The following IL1RAPL2 variants were observed in gnomAD, a reference collection of about 807,000 sequenced individuals.
IL1RAPL2 encodes the protein X-linked interleukin-1 receptor accessory protein-like 2.
Under a neutral mutation model 44.1 loss-of-function variants are expected in IL1RAPL2, and 3 were observed. The ratio of observed to expected loss-of-function variants is 0.07; its 90% confidence interval spans 0.03 to 0.18. IL1RAPL2 has a LOEUF of 0.18. IL1RAPL2 is among the 10% of genes least tolerant of loss of function. IL1RAPL2 has a pLI of 1.00. For missense variants in IL1RAPL2, 391 were observed against 496.4 expected (o/e 0.79, Z 2.02); for synonymous variants, 181 against 178.8 (o/e 1.01, Z -0.10).
rs369706072 is a variant in IL1RAPL2 at position 105,745,653 on chromosome X, C to T, written c.1049-3307C>T. ...GAAAGTTCTACCCTCATGATCTAAT[C>T]ACCTCTCACATGCTTCCCTCGTTTT... On this transcript the variant is annotated intron_variant, in intron 8 of 10. Transcript: ENST00000372582. Among the ~76,000 whole-genome samples, 21 of 111,361 alleles carry T rather than the reference C, an allele frequency of 1.9e-4. No individual in the cohort carries two copies. In the East Asian group the frequency reaches 6.0e-3, roughly 32 times the overall value.
At chrX:104,670,862 T>G (rs181592879) in intron 2 of IL1RAPL2, among the ~76,000 whole-genome samples, 64 of 111,772 alleles carry the variant, frequency 5.7e-4, no homozygotes, top group African/African-American at 1.9e-3. Context: ...TGCTTGTTTT[T>G]AGTTATAGAT....
At chrX:104,699,558 C>T (rs1043464102) in intron 2 of IL1RAPL2, among the ~76,000 whole-genome samples, 2 of 111,932 alleles carry the variant, frequency 1.8e-5, no homozygotes, top group Non-Finnish European at 3.8e-5. Context: ...GCCCGCCACT[C>T]ACCTCCTACT....
At chrX:105,561,635 A>G (rs2036938210) in intron 6 of IL1RAPL2, among the ~76,000 whole-genome samples, 1 of 111,861 alleles carries the variant, frequency 8.9e-6, no homozygotes, top group Non-Finnish European at 1.9e-5. Context: ...ATGCATATAA[A>G]GCATATATGA....
chrX:105,227,903 A>AG (rs1436697193), intron 3 of IL1RAPL2, among the ~76,000 whole-genome samples: 1 of 112,165 alleles, frequency 8.9e-6, no homozygotes, highest in African/African-American at 3.2e-5. Flanking sequence ...TTAAATGTAC[A>AG]GTTCAGCTGT....
At chrX:105,337,707 T>C (rs1162581931) in intron 5 of IL1RAPL2, among the ~76,000 whole-genome samples, 1 of 111,535 alleles carries the variant, frequency 9.0e-6, no homozygotes, top group Non-Finnish European at 1.9e-5. Flanking sequence ...CTGGCTAACA[T>C]GGTGAAACCC....
At chrX:105,226,182 C>G (rs1179887537) in intron 3 of IL1RAPL2, among the ~76,000 whole-genome samples, 2 of 110,266 alleles carry the variant, frequency 1.8e-5, no homozygotes, top group Non-Finnish European at 3.8e-5. Context: ...ACCTGATCCT[C>G]TTTGTATTAT....
At chrX:105,367,211 A>G (rs180938880) in intron 5 of IL1RAPL2, among the ~76,000 whole-genome samples, 14 of 111,311 alleles carry the variant, frequency 1.3e-4, no homozygotes, top group African/African-American at 4.2e-4. Flanking sequence ...TTGAGTCTAT[A>G]TGTGTCTTTA....
In IL1RAPL2 at chrX:105,169,492, C is replaced by CTTTTTTTTTTTTTTTT; in HGVS notation, c.83-25968_83-25953dup. 1.4e-3 allele frequency among the ~76,000 whole-genome samples: 57 copies of CTTTTTTTTTTTTTTTT among 41,561 alleles called. 18 individuals are homozygous for CTTTTTTTTTTTTTTTT. Among genetic ancestry groups the CTTTTTTTTTTTTTTTT allele is most frequent in the African/African-American group, 7.3e-3 (53 of 7,272 alleles). The allele number at this position is 41,561 out of a possible 115,157, so 36.1% of individuals were successfully genotyped here. On this transcript the variant is annotated intron_variant, in intron 2 of 10. Coordinates refer to ENST00000372582, the MANE Select transcript of IL1RAPL2 (RefSeq NM_017416.2). Reference sequence around the variant, plus strand: ...TGAGAAACTTTCAGTTTCTTTCTTTCTTTTTTTTTTTTTTTTTTTTTTTTT... The same window carrying CTTTTTTTTTTTTTTTT: ...TGAGAAACTTTCAGTTTCTTTCTTTCTTTTTTTTTTTTTTTTTTTTTTTTTTTTTTTTTTTTTTTTT...
At chrX:105,472,896 T>G in intron 5 of IL1RAPL2, among the ~76,000 whole-genome samples, 1 of 112,030 alleles carries the variant, frequency 8.9e-6, no homozygotes. Flanking sequence ...TATTACATAT[T>G]CATCCTTGAA....
intron 5 of IL1RAPL2, among the ~76,000 whole-genome samples, chrX:105,388,084 G>T (rs1413531775): frequency 2.2e-5 from 2 of 91,096 alleles, no homozygotes; most frequent in Non-Finnish European, 4.1e-5. Context: ...GAAGGCAGAG[G>T]TTGCAGTGAG....
chrX:104,709,607 T>A (rs1369859758), intron 2 of IL1RAPL2, among the ~76,000 whole-genome samples: 4 of 111,205 alleles, frequency 3.6e-5, no homozygotes, highest in Admixed American at 2.9e-4. Flanking sequence ...ATGACTCTTC[T>A]CTTTTTGGCA....
At chrX:105,655,641 A>G (rs891983822) in intron 6 of IL1RAPL2, among the ~76,000 whole-genome samples, 58 of 112,541 alleles carry the variant, frequency 5.2e-4, no homozygotes, top group African/African-American at 1.8e-3. Context: ...TTGAAAAAGC[A>G]TGAATCAGAC....
intron 5 of IL1RAPL2, among the ~76,000 whole-genome samples, chrX:105,468,534 C>T (rs1346169914): frequency 8.9e-6 from 1 of 111,863 alleles, no homozygotes; most frequent in Non-Finnish European, 1.9e-5. Flanking sequence ...ATGTTACTCT[C>T]TTAAATTTCT....
intron 2 of IL1RAPL2, among the ~76,000 whole-genome samples, chrX:105,073,825 T>G: frequency 8.9e-6 from 1 of 112,254 alleles, no homozygotes; most frequent in African/African-American, 3.2e-5. Flanking sequence ...TTTTTTTGGC[T>G]GCATAAATGT....
At chrX:104,691,598 T>C (rs1237013765) in intron 2 of IL1RAPL2, among the ~76,000 whole-genome samples, 2 of 112,111 alleles carry the variant, frequency 1.8e-5, no homozygotes, top group African/African-American at 6.5e-5. Flanking sequence ...CTTCATATAA[T>C]AAAGTAGTTC....
intron 6 of IL1RAPL2, among the ~76,000 whole-genome samples, chrX:105,591,918 T>C (rs1390882537): frequency 3.6e-5 from 4 of 111,424 alleles, no homozygotes; most frequent in African/African-American, 9.8e-5. Context: ...GTTCTGTAGA[T>C]GTCTGTTATG....
At chrX:104,751,574 C>T (rs1295948686) in intron 2 of IL1RAPL2, among the ~76,000 whole-genome samples, 1 of 111,013 alleles carries the variant, frequency 9.0e-6, no homozygotes, top group Non-Finnish European at 1.9e-5. Flanking sequence ...ATGACTCTAA[C>T]TCCAGGCAGC....
intron 3 of IL1RAPL2, chrX:105,219,495 G>A: frequency 8.3e-7 from 1 of 1,209,684 alleles, no homozygotes. Context: ...TCTCCATGGA[G>A]GCAGCCCTGG....
chrX:105,172,277 T>C (rs1325004554), intron 2 of IL1RAPL2, among the ~76,000 whole-genome samples: 1 of 112,636 alleles, frequency 8.9e-6, no homozygotes, highest in Admixed American at 9.4e-5. Flanking sequence ...ATATTAGTTT[T>C]CTATTACTGC....
Sources: gnomAD v4.1 joint callset for allele counts (sites outside exome capture counted in the v4.1 genomes callset) on GRCh38, gnomAD v4.1.1 for gene constraint, MANE v1.5 for transcripts, NCBI Gene and HGNC (gene_info 2026-07-23, HGNC 2026-07-21) for gene names.